The following FRK variants were observed in gnomAD, a reference collection of about 807,000 sequenced individuals.
The protein encoded by FRK is tyrosine-protein kinase FRK.
In FRK, 51 loss-of-function variants were observed where a neutral mutation model predicts 56.4. The observed-to-expected ratio is 0.90, with a 90% CI of 0.72 to 1.14. The LOEUF is 1.14. FRK is among the 50% of genes most tolerant of loss of function. FRK has a pLI of 0.00. For missense variants in FRK, 570 were observed against 601.4 expected (o/e 0.95, Z 0.55); for synonymous variants, 245 against 217.9 (o/e 1.12, Z -1.10).
the FRK span, among the ~76,000 whole-genome samples, chr6:116,087,174 C>T: frequency 2.0e-5 from 3 of 152,156 alleles, no homozygotes; most frequent in Non-Finnish European, 4.4e-5. Context: ...TTCTCTAAAC[C>T]GCAGGGCCCT....
chr6:116,025,189 T>C (rs1039323808), intron 1 of FRK, among the ~76,000 whole-genome samples: 1 of 152,168 alleles, frequency 6.6e-6, no homozygotes, highest in East Asian at 1.9e-4. Context: ...AGATACCACA[T>C]AGACTGCCAT....
chr6:115,996,776 G>A (rs1774857502), intron 2 of FRK, among the ~76,000 whole-genome samples: 1 of 152,154 alleles, frequency 6.6e-6, no homozygotes. Context: ...TTCTTCTACT[G>A]AAGGAGTTTA....
chr6:116,003,253 A>T (rs1267340766), intron 2 of FRK, among the ~76,000 whole-genome samples: 1 of 152,194 alleles, frequency 6.6e-6, no homozygotes, highest in Non-Finnish European at 1.5e-5. Context: ...TCAAGAAAAG[A>T]TATTCTGCAA....
At position 115,975,996 on chromosome 6, in the gene FRK, T is replaced by C. The variant is rs150363678; in HGVS notation, c.467-7257A>G. Among the ~76,000 whole-genome samples, 283 of 152,238 alleles carry C rather than the reference T, an allele frequency of 1.9e-3. 12 individuals carry two copies. The South Asian group carries it at 0.036, about 19-fold the overall frequency. ...ACTATACCACCGGTCACCTGATTAT[T>C]TGGCAACCCTCACATCCAGAGTAAC... On this transcript the variant is annotated intron_variant, in intron 2 of 7. Transcript: ENST00000606080.
the FRK span, among the ~76,000 whole-genome samples, chr6:116,069,658 C>T: frequency 3.9e-5 from 6 of 152,002 alleles, no homozygotes; most frequent in African/African-American, 9.7e-5. Flanking sequence ...TGCTTAGTTT[C>T]GTAGATCAAA....
At chr6:116,093,143 C>G in the FRK span, among the ~76,000 whole-genome samples, 2,731 of 152,324 alleles carry the variant, frequency 0.018, 31 homozygotes, top group Non-Finnish European at 0.029. Context: ...GAGGACCTCT[C>G]AGCTTACCCC....
rs1223695326 is a variant in FRK at position 115,934,829 on chromosome 6, T to C, written c.*7585A>G. 1 of 152,190 alleles carries C rather than the reference T, an allele frequency of 6.6e-6. No individual in the cohort carries two copies. Among genetic ancestry groups the C allele is most frequent in the East Asian group, 1.9e-4 (1 of 5,198 alleles). 9.4% of individuals were successfully genotyped at this position (152,190 alleles called of 1,614,324 possible). On this transcript the variant is annotated 3_prime_UTR_variant, in exon 8 of 8. Coordinates refer to ENST00000606080, the MANE Select transcript of FRK (RefSeq NM_002031.3). ...AACCATCTTGGAAAAGTCTACCTAG[T>C]TATCTAATGAGACAGATAATTTGAT...
intron 2 of FRK, chr6:116,002,715 T>C (rs1468535441): frequency 2.2e-6 from 1 of 455,802 alleles, no homozygotes; most frequent in Non-Finnish European, 4.4e-6. Flanking sequence ...AGTAGTGAAG[T>C]TGAATCCATG....
intron 5 of FRK, among the ~76,000 whole-genome samples, chr6:115,952,253 A>C (rs1772791669): frequency 6.6e-6 from 1 of 152,150 alleles, no homozygotes; most frequent in Non-Finnish European, 1.5e-5. Context: ...CATGTTGCCC[A>C]TGCCTATGTC....
chr6:116,054,748 GA>G (rs1245925372), intron 1 of FRK, among the ~76,000 whole-genome samples: 4 of 151,534 alleles, frequency 2.6e-5, no homozygotes, highest in African/African-American at 9.7e-5. Context: ...TACACAAAGG[GA>G]ACAAAATAAA....
Position 115,942,385 on chromosome 6 carries a change from C to T in FRK, c.*29G>A. 1 of 1,552,668 alleles carries T rather than the reference C, an allele frequency of 6.4e-7. No individual in the cohort carries two copies. Among genetic ancestry groups the T allele is most frequent in the African/African-American group, 1.4e-5 (1 of 73,668 alleles). ...TGGATTATTTGAATTTGTTTTGCTA[C>T]TTTATTATTTGATATTCTTCTCCAG... is the stretch of plus-strand genomic sequence containing the variant. On this transcript the variant is annotated 3_prime_UTR_variant, in exon 8 of 8. Transcript: ENST00000606080.
At position 115,992,983 on chromosome 6, in the gene FRK, G is replaced by A. The variant is rs568572367; in HGVS notation, c.466+10894C>T. 9.9e-5 allele frequency among the ~76,000 whole-genome samples: 15 copies of A among 151,840 alleles called. No homozygotes were observed. The South Asian group carries it at 2.7e-3, about 27-fold the overall frequency. ...CCAGAAAGGACATTGGGAGAGATTCGAGTATGAACTCTAATAAATAATATT... is the reference window on the plus strand; with the variant it reads ...CCAGAAAGGACATTGGGAGAGATTCAAGTATGAACTCTAATAAATAATATT... On this transcript the variant is annotated intron_variant, in intron 2 of 7. Coordinates refer to ENST00000606080, the MANE Select transcript of FRK (RefSeq NM_002031.3).
At chr6:115,959,532 C>T (rs1286657864) in intron 4 of FRK, among the ~76,000 whole-genome samples, 1 of 152,098 alleles carries the variant, frequency 6.6e-6, no homozygotes. Flanking sequence ...ATAGAATGTC[C>T]TCACCTGGAG....
chr6:116,044,542 G>T (rs1776862005), intron 1 of FRK, among the ~76,000 whole-genome samples: 1 of 152,072 alleles, frequency 6.6e-6, no homozygotes. Context: ...ACCCCTTCAT[G>T]CTAAAAAATC....
chr6:116,070,617 A>C, the FRK span, among the ~76,000 whole-genome samples: 1 of 152,192 alleles, frequency 6.6e-6, no homozygotes, highest in Non-Finnish European at 1.5e-5. Flanking sequence ...AAGAAGAAAA[A>C]AAAGTCATAT....
intron 1 of FRK, among the ~76,000 whole-genome samples, chr6:116,006,770 C>T (rs1331300888): frequency 6.6e-6 from 1 of 152,158 alleles, no homozygotes; most frequent in Non-Finnish European, 1.5e-5. Flanking sequence ...CTGTAGTGCA[C>T]TATGATCGCA....
At chr6:116,065,660 T>C (rs1312917703), upstream of FRK, among the ~76,000 whole-genome samples, 2 of 152,242 alleles carry the variant, frequency 1.3e-5, no homozygotes, top group Admixed American at 6.5e-5. Context: ...TTAGACAGAA[T>C]TGACCACTCT....
rs574006581 is a variant in FRK at position 116,010,889 on chromosome 6, T to C, written c.345-6891A>G. Among the ~76,000 whole-genome samples the C allele has an allele frequency of 4.6e-5, 7 of 152,206 alleles. No individual in the cohort carries two copies. In the East Asian group the frequency reaches 1.4e-3, roughly 29 times the overall value. On this transcript the variant is annotated intron_variant, in intron 1 of 7. Coordinates refer to ENST00000606080, the MANE Select transcript of FRK (RefSeq NM_002031.3). ...ATTTGAGGTCATGCTGGGACACGAG[T>C]GAATATGTGAGCATGACCTTATTTC...
rs35145081 is a variant in FRK, at chr6:115,966,096, G to GAAC, written c.799+1454_799+1455insGTT. On this transcript the variant is annotated intron_variant, in intron 4 of 7. Transcript: ENST00000606080. ...AAAGAAATACTTAAAAAAAAAAGAA[G>GAAC]TATTTATCTTAACAATTTAATAGCC... is the stretch of plus-strand genomic sequence containing the variant. 5.5e-5 allele frequency among the ~76,000 whole-genome samples: 7 copies of GAAC among 127,028 alleles called. No homozygotes were observed. The East Asian group carries it at 1.6e-3, about 29-fold the overall frequency. The allele number at this position is 127,028 out of a possible 152,430, so 83.3% of individuals were successfully genotyped here.
Sources: gnomAD v4.1 joint callset for allele counts (sites outside exome capture counted in the v4.1 genomes callset) on GRCh38, gnomAD v4.1.1 for gene constraint, MANE v1.5 for transcripts, NCBI Gene and HGNC (gene_info 2026-07-23, HGNC 2026-07-21) for gene names.